Variants in BRD10 observed in about 807,000 individuals in gnomAD.
BRD10 encodes the protein bromodomain containing 10, also known as uncharacterized bromodomain-containing protein 10.
the BRD10 span, among the ~76,000 whole-genome samples, chr9:5,977,850 A>G: frequency 2.0e-5 from 3 of 150,290 alleles, no homozygotes; most frequent in African/African-American, 7.3e-5. Context: ...AGAAAAAAAA[A>G]TGCTGAAGTA....
chr9:5,882,546 C>A, the BRD10 span, among the ~76,000 whole-genome samples: 1 of 152,240 alleles, frequency 6.6e-6, no homozygotes, highest in Admixed American at 6.5e-5. Flanking sequence ...AAGGCCATCA[C>A]AACCTTACAC....
chr9:5,959,677 C>T, the BRD10 span, among the ~76,000 whole-genome samples: 1 of 152,158 alleles, frequency 6.6e-6, no homozygotes, highest in African/African-American at 2.4e-5. Flanking sequence ...GCTATCACTA[C>T]AGAACTATAT....
At chr9:5,959,468 T>C in the BRD10 span, among the ~76,000 whole-genome samples, 8 of 152,332 alleles carry the variant, frequency 5.3e-5, no homozygotes, top group East Asian at 1.9e-4. Flanking sequence ...TGAGATAGCA[T>C]GTATAAAGGC....
At chr9:5,941,880 T>A in the BRD10 span, among the ~76,000 whole-genome samples, 1 of 152,114 alleles carries the variant, frequency 6.6e-6, no homozygotes, top group South Asian at 2.1e-4. Context: ...GGAAATACTA[T>A]CTGGAAAGTC....
the BRD10 span, among the ~76,000 whole-genome samples, chr9:5,917,600 AAGGTGGGCAGATCACCTG>A: frequency 1.3e-5 from 2 of 152,352 alleles, no homozygotes; most frequent in South Asian, 2.1e-4. Context: ...TTGGGAGGCC[AAGGTGGGCAGATCACCTG>A]AGGTGGGCGG....
At chr9:5,925,577 G>A in the BRD10 span, among the ~76,000 whole-genome samples, 1 of 152,002 alleles carries the variant, frequency 6.6e-6, no homozygotes, top group African/African-American at 2.4e-5. Flanking sequence ...GTTTAAGCCA[G>A]AAATTCTAAG....
At chr9:5,933,981 A>C in the BRD10 span, 1 of 353,852 alleles carries the variant, frequency 2.8e-6, no homozygotes, top group Non-Finnish European at 5.8e-6. Context: ...TTTGTACATT[A>C]AACTTAGGTG....
chr9:5,954,300 C>T, the BRD10 span, among the ~76,000 whole-genome samples: 1 of 152,130 alleles, frequency 6.6e-6, no homozygotes, highest in Non-Finnish European at 1.5e-5. Flanking sequence ...TTAACAAATG[C>T]TGTTTTATGT....
At chr9:5,891,647 G>A in the BRD10 span, among the ~76,000 whole-genome samples, 24 of 152,198 alleles carry the variant, frequency 1.6e-4, no homozygotes, top group African/African-American at 5.8e-4. Flanking sequence ...TTTAATGAGC[G>A]TACTTGAATT....
At chr9:5,970,997 A>G in the BRD10 span, among the ~76,000 whole-genome samples, 1 of 138,856 alleles carries the variant, frequency 7.2e-6, no homozygotes, top group African/African-American at 2.7e-5. Flanking sequence ...GGTTACAGTG[A>G]GCCGAGATTG....
chr9:5,929,749 A>G, the BRD10 span, among the ~76,000 whole-genome samples: 1 of 152,288 alleles, frequency 6.6e-6, no homozygotes, highest in East Asian at 1.9e-4. Context: ...TAACCTAGGT[A>G]TTTCACATAT....
the BRD10 span, chr9:5,914,153 C>T: frequency 5.0e-6 from 2 of 402,398 alleles, no homozygotes; most frequent in South Asian, 1.9e-5. Flanking sequence ...TGCTGTTCCA[C>T]GTGCAGGGGA....
the BRD10 span, chr9:5,968,411 G>C: frequency 6.2e-7 from 1 of 1,612,342 alleles, no homozygotes; most frequent in Non-Finnish European, 8.5e-7. Context: ...TATTTCACCT[G>C]GACTAAGAGG....
At chr9:5,982,047 ATG>A in the BRD10 span, among the ~76,000 whole-genome samples, 1 of 145,076 alleles carries the variant, frequency 6.9e-6, no homozygotes, top group African/African-American at 2.5e-5. Context: ...GTATGTATGT[ATG>A]TGTGTGTATA....
the BRD10 span, among the ~76,000 whole-genome samples, chr9:5,892,810 G>T: frequency 6.6e-6 from 1 of 152,106 alleles, no homozygotes; most frequent in African/African-American, 2.4e-5. Context: ...TTGACTATTG[G>T]GTCTTATCTG....
chr9:5,978,205 G>A, the BRD10 span, among the ~76,000 whole-genome samples: 6 of 151,924 alleles, frequency 3.9e-5, no homozygotes, highest in Admixed American at 3.3e-4. Flanking sequence ...AATAGAAGCT[G>A]TGCCTAAGGT....
At chr9:5,897,611 C>T in the BRD10 span, 155 of 1,614,134 alleles carry the variant, frequency 9.6e-5, no homozygotes, top group Middle Eastern at 2.1e-3. Flanking sequence ...TGCTCATCGG[C>T]TGTTGGTATT....
the BRD10 span, among the ~76,000 whole-genome samples, chr9:5,899,954 G>A: frequency 6.6e-6 from 1 of 152,138 alleles, no homozygotes; most frequent in African/African-American, 2.4e-5. Flanking sequence ...AATCTGTGAT[G>A]TAACACAATG....
At chr9:5,919,846 T>A in the BRD10 span, 4 of 1,613,966 alleles carry the variant, frequency 2.5e-6, no homozygotes, top group Non-Finnish European at 3.4e-6. Context: ...TGGCTCCTTC[T>A]GGGCTAACCA....
Sources: gnomAD v4.1 joint callset for allele counts (sites outside exome capture counted in the v4.1 genomes callset) on GRCh38, gnomAD v4.1.1 for gene constraint, MANE v1.5 for transcripts, NCBI Gene and HGNC (gene_info 2026-07-23, HGNC 2026-07-21) for gene names.